Variants in BCL2 observed in about 807,000 individuals in gnomAD.
The protein encoded by BCL2 is apoptosis regulator Bcl-2.
BCL2 carries 1 observed loss-of-function variant against 14.2 expected under a neutral mutation model. The observed-to-expected ratio is 0.07, with a 90% confidence interval of 0.02 to 0.33. The LOEUF is 0.33. BCL2 is among the 10% of genes least tolerant of loss of function. The probability of loss-of-function intolerance (pLI) is 0.99; values close to 1 mark genes in which losing one functional copy is unlikely to be tolerated. For synonymous variants in BCL2, 151 were observed against 137.2 expected (o/e 1.10, Z -0.70); for missense variants, 247 against 305.9 (o/e 0.81, Z 1.44).
intron 2 of BCL2, among the ~76,000 whole-genome samples, chr18:63,285,564 C>T (rs976514063): frequency 9.2e-5 from 14 of 152,236 alleles, no homozygotes; most frequent in Admixed American, 2.0e-4. Flanking sequence ...GGGTCACTGC[C>T]GGGGAGGTAC....
chr18:63,193,676 A>T (rs570204367), intron 2 of BCL2, among the ~76,000 whole-genome samples: 1 of 151,880 alleles, frequency 6.6e-6, no homozygotes, highest in South Asian at 2.1e-4. Flanking sequence ...ATACACACAC[A>T]CACACATTTT....
intron 2 of BCL2, among the ~76,000 whole-genome samples, chr18:63,131,675 G>A (rs1914073543): frequency 6.6e-6 from 1 of 152,236 alleles, no homozygotes; most frequent in Non-Finnish European, 1.5e-5. Flanking sequence ...TCAGGGCACT[G>A]GCAATAGGTT....
chr18:63,224,808 G>A (rs973566937), intron 2 of BCL2, among the ~76,000 whole-genome samples: 5 of 152,216 alleles, frequency 3.3e-5, no homozygotes, highest in African/African-American at 9.6e-5. Flanking sequence ...AGCAGACCAA[G>A]AGCAAGGCAT....
At position 63,126,878 on chromosome 18, in the gene BCL2, G is replaced by GT. The variant is rs1913923686; in HGVS notation, c.*1746dup. On this transcript the variant is annotated 3_prime_UTR_variant, in exon 3 of 3. Transcript: ENST00000333681. ...AACATTGAACAGAGTACATTCCAAAGTTAATACAGATAAATGGTATATAAT... is the reference window on the plus strand; with the variant it reads ...AACATTGAACAGAGTACATTCCAAAGTTTAATACAGATAAATGGTATATAAT... The GT allele has an allele frequency of 4.4e-6, 1 of 227,356 alleles. No homozygotes were observed. 14.1% of individuals were successfully genotyped at this position (227,356 alleles called of 1,614,324 possible). A position where few individuals can be genotyped will look rare whatever the true frequency, so the allele number is the denominator to read the frequency against.
At chr18:63,228,169 T>C (rs71353381) in intron 2 of BCL2, among the ~76,000 whole-genome samples, 24,562 of 152,160 alleles carry the variant, frequency 0.16, 2,117 homozygotes, top group Non-Finnish European at 0.19. Flanking sequence ...CCTAATGACA[T>C]GGGAAGAGAA....
chr18:63,289,706 C>A (rs911852027), intron 2 of BCL2, among the ~76,000 whole-genome samples: 10 of 152,032 alleles, frequency 6.6e-5, no homozygotes, highest in African/African-American at 2.4e-4. Context: ...CCAGCCTGGC[C>A]AACATGGTGA....
At chr18:63,285,598 G>A (rs1370166103) in intron 2 of BCL2, among the ~76,000 whole-genome samples, 1 of 152,184 alleles carries the variant, frequency 6.6e-6, no homozygotes, top group African/African-American at 2.4e-5. Context: ...TGTTCAGGAG[G>A]CTTCTGCCAG....
chr18:63,317,889 G>T lies in BCL2; in HGVS notation c.585+193C>A. On this transcript the variant is annotated intron_variant, in intron 2 of 2. Transcript: ENST00000333681. ...CAAGCAAGTTAAAGACTTTTAGATG[G>T]CAGGCGTTATCGGTCAGGTTGGGAG... 1.4e-6 allele frequency: 2 copies of T among 1,423,738 alleles called. 1 individual carries two copies. The highest frequency in any genetic ancestry group is 3.1e-5 in the South Asian group (2 of 64,702). 88.2% of individuals were successfully genotyped at this position (1,423,738 alleles called of 1,614,324 possible). A position where few individuals can be genotyped will look rare whatever the true frequency, so the allele number is the denominator to read the frequency against.
At chr18:63,154,675 C>A (rs1914728621) in intron 2 of BCL2, among the ~76,000 whole-genome samples, 1 of 152,136 alleles carries the variant, frequency 6.6e-6, no homozygotes, top group African/African-American at 2.4e-5. Context: ...CTTTCTTGAC[C>A]AAGCCCCCAC....
At chr18:63,152,513 A>G (rs1914674001) in intron 2 of BCL2, among the ~76,000 whole-genome samples, 2 of 152,254 alleles carry the variant, frequency 1.3e-5, no homozygotes, top group Non-Finnish European at 2.9e-5. Flanking sequence ...AACCATATCT[A>G]AGTCAAGTCT....
rs1914139039 is a variant in BCL2, at chr18:63,133,890, C to A, written c.586-5131G>T. 3.3e-5 allele frequency among the ~76,000 whole-genome samples: 5 copies of A among 152,102 alleles called. 1 individual carries two copies. The highest frequency in any genetic ancestry group is 3.3e-4 in the Admixed American group (5 of 15,276). On this transcript the variant is annotated intron_variant, in intron 2 of 2. Transcript: ENST00000333681. ...ATGTATAATAGCATAAACCTGGAAACAAATGTCTGAAAATAGATGACTGAC... is the reference window on the plus strand; with the variant it reads ...ATGTATAATAGCATAAACCTGGAAAAAAATGTCTGAAAATAGATGACTGAC...
chr18:63,126,931 A>G lies in BCL2; in HGVS notation c.*1694T>C, dbSNP rs1372338401. 8 of 227,192 alleles carry G rather than the reference A, an allele frequency of 3.5e-5. No individual in the cohort carries two copies. In the Admixed American group the frequency reaches 4.6e-4, roughly 13 times the overall value. The allele number at this position is 227,192 out of a possible 1,614,324, so 14.1% of individuals were successfully genotyped here. On this transcript the variant is annotated 3_prime_UTR_variant, in exon 3 of 3. Coordinates refer to ENST00000333681, the MANE Select transcript of BCL2 (RefSeq NM_000633.3). ...AATAATGCCACAGAGTTATTCCATC[A>G]ATGTTTCAAGGCTGATTCTAAACTG...
At chr18:63,302,775 A>G in intron 2 of BCL2, 2 of 985,396 alleles carry the variant, frequency 2.0e-6, no homozygotes, top group South Asian at 4.7e-5. Context: ...TTCGCGTTTA[A>G]GTTTCTTTTA....
chr18:63,199,769 G>A (rs1324632781), intron 2 of BCL2, among the ~76,000 whole-genome samples: 5 of 152,120 alleles, frequency 3.3e-5, no homozygotes, highest in South Asian at 2.1e-4. Context: ...ACACACAGAC[G>A]CACACGTATA....
chr18:63,129,704 A>T (rs951396920), intron 2 of BCL2, among the ~76,000 whole-genome samples: 3 of 152,228 alleles, frequency 2.0e-5, no homozygotes, highest in African/African-American at 7.2e-5. Context: ...ACCCAGATAG[A>T]AACCAGCACC....
chr18:63,224,819 A>G (rs1334527786), intron 2 of BCL2, among the ~76,000 whole-genome samples: 2 of 152,266 alleles, frequency 1.3e-5, no homozygotes, highest in East Asian at 3.8e-4. Flanking sequence ...AGCAAGGCAT[A>G]TGAAGGCTGT....
intron 2 of BCL2, among the ~76,000 whole-genome samples, chr18:63,169,054 G>C (rs901201390): frequency 2.0e-5 from 3 of 152,204 alleles, no homozygotes; most frequent in African/African-American, 7.2e-5. Flanking sequence ...TGACTCTCCT[G>C]AAGTATCTCC....
rs1184260603 is a variant in BCL2 at position 63,318,542 on chromosome 18, GC to G, written c.124del (p.Ala42ProfsTer54). On this transcript the variant is annotated frameshift_variant, in exon 2 of 3. Transcript: ENST00000333681. LOFTEE classifies it high-confidence loss of function. The surrounding 1 kb of genome is among the most constrained non-coding windows in gnomAD (Gnocchi z 7.4). The stretch of plus-strand genomic sequence containing the variant: ...GGAGAAGATGCCCGGTGCGGGGGCG[GC>G]CCCCGGGGGCGCGGCGCCCACATCT... ...AGDVGAAPPG[A>X]APAPGIFSSQ... is the part of the protein sequence containing the mutation. 4.4e-6 allele frequency: 7 copies of G among 1,586,646 alleles called. No individual in the cohort carries two copies. The highest frequency in any genetic ancestry group is 3.5e-5 in the Admixed American group (2 of 56,972).
rs2156190 is a variant in BCL2, at chr18:63,250,884, T to C, written c.585+67198A>G. On this transcript the variant is annotated intron_variant, in intron 2 of 2. Transcript: ENST00000333681. ...CAAGGATTTTTATTGCTTATTACAATCACTAACATGCAACCCAGCTTATGG... is the reference window on the plus strand; with the variant it reads ...CAAGGATTTTTATTGCTTATTACAACCACTAACATGCAACCCAGCTTATGG... Among the ~76,000 whole-genome samples, 584 of 152,286 alleles carry C rather than the reference T, an allele frequency of 3.8e-3. 25 individuals carry two copies. Among genetic ancestry groups the C allele is most frequent in the Admixed American group, 0.037 (563 of 15,296 alleles).
Sources: gnomAD v4.1 joint callset for allele counts (sites outside exome capture counted in the v4.1 genomes callset) on GRCh38, gnomAD v4.1.1 for gene constraint, Gnocchi (gnomAD v3.1) non-coding constraint, MANE v1.5 for transcripts, NCBI Gene and HGNC (gene_info 2026-07-23, HGNC 2026-07-21) for gene names.